BAIAP2: variants seen among roughly 807,000 people sequenced by gnomAD.
The protein encoded by BAIAP2 is BAR/IMD domain containing adaptor protein 2.
Under a neutral mutation model 63.0 loss-of-function variants are expected in BAIAP2, and 18 were observed. The observed-to-expected ratio is 0.29, with a 90% CI of 0.20 to 0.42. The LOEUF is 0.42. BAIAP2 is among the 10% of genes least tolerant of loss of function. The pLI is 1.00. For synonymous variants in BAIAP2, 386 were observed against 307.6 expected, an observed-to-expected ratio of 1.25 and a Z score of -2.67; for missense variants, 610 against 734.3, an observed-to-expected ratio of 0.83 and a Z score of 1.96.
intron 1 of BAIAP2, among the ~76,000 whole-genome samples, chr17:81,037,639 C>A (rs1204032515): frequency 6.6e-6 from 1 of 152,256 alleles, no homozygotes; most frequent in Non-Finnish European, 1.5e-5. Context: ...GGTGCTGCCT[C>A]TGGCATCCCT....
intron 1 of BAIAP2, among the ~76,000 whole-genome samples, chr17:81,041,903 T>C (rs1280998381): frequency 1.3e-5 from 2 of 152,076 alleles, no homozygotes; most frequent in African/African-American, 4.8e-5. Context: ...TAATCATATA[T>C]TGAATTCATG....
Position 81,116,279 on chromosome 17 carries a change from A to T in BAIAP2, c.*440A>T. The T allele has an allele frequency of 6.2e-7, 1 of 1,612,846 alleles. No individual in the cohort carries two copies. The highest frequency in any genetic ancestry group is 8.5e-7 in the Non-Finnish European group (1 of 1,179,938). On this transcript the variant is annotated 3_prime_UTR_variant, in exon 14 of 14. Coordinates refer to ENST00000428708, the MANE Select transcript of BAIAP2 (RefSeq NM_001144888.2). ...AGAAGGCCGGGAGCACGGGGATGGG[A>T]GCGCCCGCACCCTGGCTGGAAGATG...
At chr17:81,113,866 G>T (rs1275496292) in intron 13 of BAIAP2, among the ~76,000 whole-genome samples, 1 of 152,138 alleles carries the variant, frequency 6.6e-6, no homozygotes, top group Non-Finnish European at 1.5e-5. Flanking sequence ...GATGAGAATC[G>T]GCTGTGATTC....
intron 13 of BAIAP2, chr17:81,110,291 T>A (rs771744062): frequency 1.0e-6 from 1 of 986,048 alleles, no homozygotes; most frequent in Non-Finnish European, 1.2e-6. Flanking sequence ...GACCGGGCCC[T>A]GTGTAGAGAC....
intron 3 of BAIAP2, among the ~76,000 whole-genome samples, chr17:81,065,968 C>T (rs1459985635): frequency 6.6e-6 from 1 of 152,262 alleles, no homozygotes; most frequent in Non-Finnish European, 1.5e-5. Flanking sequence ...GGGCCGCAGC[C>T]CTCCCCAGCA....
intron 5 of BAIAP2, 124 bp downstream of exon 5, chr17:81,085,849 C>A: frequency 1.4e-6 from 1 of 722,666 alleles, no homozygotes; most frequent in East Asian, 2.6e-5. Context: ...CACATGGGCC[C>A]CAGCTCTGAC....
At chr17:81,069,862 G>C (rs531826420) in intron 3 of BAIAP2, among the ~76,000 whole-genome samples, 2 of 152,222 alleles carry the variant, frequency 1.3e-5, no homozygotes, top group African/African-American at 4.8e-5. Flanking sequence ...CGTGGGACCT[G>C]AACAGGCAGC....
chr17:81,095,829 A>C (rs2145670276), intron 6 of BAIAP2, among the ~76,000 whole-genome samples: 1 of 152,232 alleles, frequency 6.6e-6, no homozygotes, highest in East Asian at 1.9e-4. Context: ...CCTTTGAGTA[A>C]GTGGAAGACT....
chr17:81,099,503 CAG>C (rs1568167640), intron 6 of BAIAP2, among the ~76,000 whole-genome samples: 8 of 152,280 alleles, frequency 5.3e-5, no homozygotes, highest in African/African-American at 1.2e-4. Flanking sequence ...CTCCAGGCAA[CAG>C]GGGGAAGGAC....
intron 1 of BAIAP2, among the ~76,000 whole-genome samples, chr17:81,043,345 C>T (rs555705269): frequency 2.6e-5 from 4 of 152,376 alleles, no homozygotes; most frequent in South Asian, 2.1e-4. Flanking sequence ...CCCGTCCTCA[C>T]GCAGTCCAGG....
chr17:81,103,179 C>A (rs1016575282), intron 7 of BAIAP2, among the ~76,000 whole-genome samples: 1 of 152,192 alleles, frequency 6.6e-6, no homozygotes, highest in Admixed American at 6.5e-5. Flanking sequence ...GTTTGCCCAC[C>A]GGAGTTTGAC....
At chr17:81,105,889 C>T in intron 10 of BAIAP2, 189 bp from the exon 11 acceptor site, 4 of 564,188 alleles carry the variant, frequency 7.1e-6, no homozygotes, top group Non-Finnish European at 1.3e-5. Context: ...GGCCACCTTG[C>T]CCTTGAGGCT....
At chr17:81,067,773 C>T (rs1340266851) in intron 3 of BAIAP2, among the ~76,000 whole-genome samples, 6 of 152,250 alleles carry the variant, frequency 3.9e-5, no homozygotes, top group Admixed American at 1.3e-4. Context: ...GCCACAGCGT[C>T]AGGCCTCAGC....
intron 13 of BAIAP2, among the ~76,000 whole-genome samples, chr17:81,112,917 A>G (rs1390515178): frequency 6.6e-6 from 1 of 152,020 alleles, no homozygotes; most frequent in Non-Finnish European, 1.5e-5. Flanking sequence ...TTAGCCAGGC[A>G]TGGTGGCACG....
In BAIAP2 at chr17:81,035,248, C is replaced by T. The variant is rs2046042960; in HGVS notation, c.-7C>T. ...TCCGGTCTGTGGTGCAGCCGGGACC[C>T]AGGACCATGTCTCTGTCTCGCTCAG... is the stretch of plus-strand genomic sequence containing the variant. On this transcript the variant is annotated 5_prime_UTR_variant, in exon 1 of 14. Coordinates refer to ENST00000428708, the MANE Select transcript of BAIAP2 (RefSeq NM_001144888.2). The T allele has an allele frequency of 2.0e-6, 3 of 1,519,340 alleles. No homozygotes were observed. Among genetic ancestry groups the T allele is most frequent in the East Asian group, 5.5e-5 (2 of 36,174 alleles). The allele number at this position is 1,519,340 out of a possible 1,614,324, so 94.1% of individuals were successfully genotyped here.
intron 3 of BAIAP2, among the ~76,000 whole-genome samples, chr17:81,070,267 G>A (rs1400125805): frequency 6.6e-6 from 1 of 152,154 alleles, no homozygotes; most frequent in Non-Finnish European, 1.5e-5. Context: ...CCAGAGGTTG[G>A]TCTTGCAAGG....
chr17:81,099,746 G>A (rs528213861), intron 6 of BAIAP2, among the ~76,000 whole-genome samples, 182 bp from the exon 7 acceptor site: 38 of 152,262 alleles, frequency 2.5e-4, no homozygotes, highest in African/African-American at 8.2e-4. Flanking sequence ...GAGTGGTCCC[G>A]GGGTAGCTGA....
At chr17:81,103,033 A>G (rs114795560) in intron 7 of BAIAP2, among the ~76,000 whole-genome samples, 1,847 of 152,320 alleles carry the variant, frequency 0.012, 34 homozygotes, top group African/African-American at 0.042. Flanking sequence ...CTTGGGCCCA[A>G]GGGCAGTGGT....
rs200661352 is a variant in BAIAP2, at chr17:81,106,954, T to C, written c.1500+47T>C. ...TGGGAGGGGCCCGCAGGTGGAACAG[T>C]GGGCTCAGCCTGCAGTCCCCCGTTG... On this transcript the variant is annotated intron_variant, in intron 12 of 13. Transcript: ENST00000428708. 6.6e-4 allele frequency: 966 copies of C among 1,464,968 alleles called. 4 individuals are homozygous for C. The highest frequency in any genetic ancestry group is 3.1e-3 in the Middle Eastern group (13 of 4,168). 90.7% of individuals were successfully genotyped at this position (1,464,968 alleles called of 1,614,324 possible). A position where few individuals can be genotyped will look rare whatever the true frequency, so the allele number is the denominator to read the frequency against.
Sources: allele counts gnomAD v4.1 joint callset (sites outside exome capture counted in the v4.1 genomes callset), GRCh38; gene constraint gnomAD v4.1.1; transcripts MANE v1.5; gene names NCBI Gene and HGNC (gene_info 2026-07-23, HGNC 2026-07-21).